The following CYP27C1 variants were observed in gnomAD, a reference collection of about 807,000 sequenced individuals.
CYP27C1 encodes cytochrome P450 family 27 subfamily C member 1.
A neutral mutation model predicts 40.6 loss-of-function variants in CYP27C1; 29 were observed. That is an observed-to-expected ratio of 0.71 (90% CI 0.53 to 0.97). The LOEUF (loss-of-function observed/expected upper bound fraction) is 0.97, where lower values mean the gene tolerates loss of function less well. Among genes scored for constraint, CYP27C1 ranks in the 50% least tolerant of loss-of-function variants. The pLI is 0.00. For synonymous variants in CYP27C1, 198 were observed against 186.8 expected (o/e 1.06, Z -0.49); for missense variants, 390 against 485.8 (o/e 0.80, Z 1.85).
chr2:127,210,335 C>A (rs1025809476), intron 1 of CYP27C1, among the ~76,000 whole-genome samples: 3 of 152,212 alleles, frequency 2.0e-5, no homozygotes, highest in African/African-American at 7.2e-5. Flanking sequence ...ACCACTGGGT[C>A]TGCCATGCAA....
chr2:127,193,704 G>T (rs1682835440), intron 7 of CYP27C1, 85 bp downstream of exon 7: 1 of 1,439,582 alleles, frequency 6.9e-7, no homozygotes, highest in Non-Finnish European at 9.8e-7. Context: ...CTCTGCTTAG[G>T]GACAAAGACT....
chr2:127,216,793 G>C (rs1573909208), intron 1 of CYP27C1, among the ~76,000 whole-genome samples: 2 of 152,204 alleles, frequency 1.3e-5, no homozygotes, highest in East Asian at 3.8e-4. Flanking sequence ...GCATGACACA[G>C]ACAGGGCTGG....
chr2:127,206,813 G>C (rs916208655), intron 1 of CYP27C1, among the ~76,000 whole-genome samples: 1 of 152,060 alleles, frequency 6.6e-6, no homozygotes, highest in African/African-American at 2.4e-5. Flanking sequence ...CTCTAAAACT[G>C]ACTCCCAGCA....
chr2:127,204,531 AAGAAAGAGAGAGAG>A (rs1481384703), intron 2 of CYP27C1, among the ~76,000 whole-genome samples: 3 of 46,206 alleles, frequency 6.5e-5, no homozygotes, highest in Admixed American at 2.5e-4. Context: ...GAAAGAAAGA[AAGAAAGAGAGAGAG>A]AGAGAGAGAG....
chr2:127,212,088 G>A (rs922107044), intron 1 of CYP27C1, among the ~76,000 whole-genome samples: 3 of 152,090 alleles, frequency 2.0e-5, no homozygotes, highest in Admixed American at 6.5e-5. Flanking sequence ...TAAATTCCTG[G>A]ACGCATACAC....
At position 127,219,243 on chromosome 2, in the gene CYP27C1, A is replaced by T. The variant is rs1683500579; in HGVS notation, c.282+746T>A. Among the ~76,000 whole-genome samples, 1 of 151,864 alleles carries T rather than the reference A, an allele frequency of 6.6e-6. No homozygotes were observed. The highest frequency in any genetic ancestry group is 1.5e-5 in the Non-Finnish European group (1 of 67,950). ...CTAGCGCTCCCCTCGGGCCGGCCCCAGGCAGCAGCCCCCCTCAGCCCCAAC... is the reference window on the plus strand; with the variant it reads ...CTAGCGCTCCCCTCGGGCCGGCCCCTGGCAGCAGCCCCCCTCAGCCCCAAC... On this transcript the variant is annotated intron_variant, in intron 1 of 8. Transcript: ENST00000664447. This position sits in a 1 kb window ranked among gnomAD's most constrained non-coding sequence, Gnocchi z 8.7.
At chr2:127,207,284 C>G (rs982208449) in intron 1 of CYP27C1, among the ~76,000 whole-genome samples, 1 of 152,140 alleles carries the variant, frequency 6.6e-6, no homozygotes, top group Non-Finnish European at 1.5e-5. Flanking sequence ...CACCTGGGTT[C>G]AAGAGTTTGA....
chr2:127,195,533 C>T lies in CYP27C1; in HGVS notation c.1048-32G>A, dbSNP rs1374868870. 1 of 1,609,884 alleles carries T rather than the reference C, an allele frequency of 6.2e-7. No individual in the cohort carries two copies. The highest frequency in any genetic ancestry group is 2.2e-5 in the East Asian group (1 of 44,810). On this transcript the variant is annotated intron_variant, in intron 5 of 8. Transcript: ENST00000664447. The surrounding 1 kb of genome is among the most constrained non-coding windows in gnomAD (Gnocchi z 6.2). ...AGAGAAAGTGGCAGACACAGGCAGG[C>T]AGTGAGTAACACCAGGGACTGAAAC...
rs1188140640 is a variant in CYP27C1, at chr2:127,185,997, A to G, written c.*1274T>C. The G allele has an allele frequency of 6.6e-6, 1 of 152,256 alleles. No individual in the cohort carries two copies. Among genetic ancestry groups the G allele is most frequent in the Admixed American group, 6.5e-5 (1 of 15,280 alleles). The allele number at this position is 152,256 out of a possible 1,614,324, so 9.4% of individuals were successfully genotyped here. On this transcript the variant is annotated 3_prime_UTR_variant, in exon 9 of 9. Transcript: ENST00000664447. The surrounding 1 kb of genome is among the most constrained non-coding windows in gnomAD (Gnocchi z 4.9). Reference sequence around the variant, plus strand: ...GGTGAGGGTTCTTGTGTGGATATTTAAAACAACACCATCAAGATAAAAATA... The same window carrying G: ...GGTGAGGGTTCTTGTGTGGATATTTGAAACAACACCATCAAGATAAAAATA...
At position 127,187,247 on chromosome 2, in the gene CYP27C1, T is replaced by A; in HGVS notation, c.*24A>T. 6.3e-7 allele frequency: 1 copy of A among 1,579,316 alleles called. No homozygotes were observed. ...TGTGTCGGCGAGCTGGTCTGCTACATCAGCCCAGGTTTAAAATCTAGGCTT... is the reference window on the plus strand; with the variant it reads ...TGTGTCGGCGAGCTGGTCTGCTACAACAGCCCAGGTTTAAAATCTAGGCTT... On this transcript the variant is annotated 3_prime_UTR_variant, in exon 9 of 9. Transcript: ENST00000664447.
chr2:127,199,413 G>C lies in CYP27C1; in HGVS notation c.1010C>G (p.Ala337Gly). ...SQALTLQEIY[A>G]NVTEMLLAGV... ...GGCCAGCAGCATCTCAGTCACGTTG[G>C]CGTAGATCTCCTGCAGCGTCAGAGC... The change falls in exon 5 of 9, where the codon GCC becomes GGC. Residue 337 changes from alanine (A) to glycine (G), a missense_variant. Transcript: ENST00000664447. 6.2e-7 allele frequency: 1 copy of C among 1,614,198 alleles called. No individual in the cohort carries two copies. The highest frequency in any genetic ancestry group is 8.5e-7 in the Non-Finnish European group (1 of 1,180,036).
Position 127,186,155 on chromosome 2 carries a change from A to G in CYP27C1, c.*1116T>C, listed in dbSNP as rs778288682. 1.8e-4 allele frequency: 27 copies of G among 152,156 alleles called. No homozygotes were observed. The highest frequency in any genetic ancestry group is 2.0e-4 in the Admixed American group (3 of 15,280). The allele number at this position is 152,156 out of a possible 1,614,324, so 9.4% of individuals were successfully genotyped here. Reference sequence around the variant, plus strand: ...TTAGGCAACAAAATTTTACGTCATCATATTTCCAGTTCTTATACGTCTGCT... The same window carrying G: ...TTAGGCAACAAAATTTTACGTCATCGTATTTCCAGTTCTTATACGTCTGCT... On this transcript the variant is annotated 3_prime_UTR_variant, in exon 9 of 9. Transcript: ENST00000664447. The surrounding 1 kb of genome is among the most constrained non-coding windows in gnomAD (Gnocchi z 4.5).
In CYP27C1 at chr2:127,201,705, C is replaced by T. The variant is rs1382013983; in HGVS notation, c.674-374G>A. 1.3e-5 allele frequency among the ~76,000 whole-genome samples: 2 copies of T among 152,204 alleles called. No individual in the cohort carries two copies. Among genetic ancestry groups the T allele is most frequent in the South Asian group, 4.1e-4 (2 of 4,828 alleles). ...CCCTGGGGAGGGGACAATCACCGAGCGTGTCACTGCTCTCCCCCAACACCC... is the reference window on the plus strand; with the variant it reads ...CCCTGGGGAGGGGACAATCACCGAGTGTGTCACTGCTCTCCCCCAACACCC... On this transcript the variant is annotated intron_variant, in intron 3 of 8. Coordinates refer to ENST00000664447, the MANE Select transcript of CYP27C1 (RefSeq NM_001367502.1). This position sits in a 1 kb window ranked among gnomAD's most constrained non-coding sequence, Gnocchi z 6.0.
chr2:127,191,819 CA>C (rs1235821050), intron 8 of CYP27C1, among the ~76,000 whole-genome samples: 5 of 152,222 alleles, frequency 3.3e-5, no homozygotes, highest in African/African-American at 7.2e-5. Context: ...CTCCCAGGGA[CA>C]GGGGCAGCGG....
At chr2:127,203,309 C>T in intron 3 of CYP27C1, 63 bp downstream of exon 3, 1 of 1,553,636 alleles carries the variant, frequency 6.4e-7, no homozygotes, top group Non-Finnish European at 8.7e-7. Context: ...TCCAAGATGA[C>T]ATCTGCAGGT....
Position 127,195,341 on chromosome 2 carries a change from G to C in CYP27C1, c.1208C>G (p.Thr403Ser). 6.2e-7 allele frequency: 1 copy of C among 1,614,086 alleles called. No individual in the cohort carries two copies. Among genetic ancestry groups the C allele is most frequent in the East Asian group, 2.2e-5 (1 of 44,882 alleles). Residue 403 changes from threonine (T) to serine (S), a missense_variant, in exon 6 of 9, where the codon ACC (threonine) becomes AGC (serine). Coordinates refer to ENST00000664447, the MANE Select transcript of CYP27C1 (RefSeq NM_001367502.1). This position sits in a 1 kb window ranked among gnomAD's most constrained non-coding sequence, Gnocchi z 6.2. ...VPLVRALLKETLRLFPVLPGN... is the reference protein window; with the variant it reads ...VPLVRALLKESLRLFPVLPGN... Reference sequence around the variant, plus strand: ...ATTCTGGCGAGCCTTTTACCTCAGGGTTTCCTTAAGGAGAGCTCTGACCAG... The same window carrying C: ...ATTCTGGCGAGCCTTTTACCTCAGGCTTTCCTTAAGGAGAGCTCTGACCAG...
chr2:127,204,485 A>AAAGAAAGGAAGG (rs1336827282), intron 2 of CYP27C1, among the ~76,000 whole-genome samples: 14 of 60,204 alleles, frequency 2.3e-4, no homozygotes, highest in Admixed American at 6.9e-4. Flanking sequence ...AGAAAGAAAG[A>AAAGAAAGGAAGG]AAGGAAGGAA....
At chr2:127,188,828 A>G (rs1003853286) in intron 8 of CYP27C1, among the ~76,000 whole-genome samples, 4 of 152,154 alleles carry the variant, frequency 2.6e-5, no homozygotes, top group African/African-American at 9.7e-5. Context: ...TAAGAGTCAG[A>G]CAGGGCACCA....
chr2:127,208,324 C>T lies in CYP27C1; in HGVS notation c.283-2234G>A, dbSNP rs1427747685. 5.9e-5 allele frequency among the ~76,000 whole-genome samples: 9 copies of T among 152,092 alleles called. No homozygotes were observed. The highest frequency in any genetic ancestry group is 2.1e-4 in the South Asian group (1 of 4,814). Reference sequence around the variant, plus strand: ...CCAGCCAAGGGAGGTGGTGAGTGAGCGGGCTACCCAGCTGGGGAAACTGTG... The same window carrying T: ...CCAGCCAAGGGAGGTGGTGAGTGAGTGGGCTACCCAGCTGGGGAAACTGTG... On this transcript the variant is annotated intron_variant, in intron 1 of 8. Coordinates refer to ENST00000664447, the MANE Select transcript of CYP27C1 (RefSeq NM_001367502.1). The surrounding 1 kb of genome is among the most constrained non-coding windows in gnomAD (Gnocchi z 5.2).
Sources: gnomAD v4.1 joint callset for allele counts (sites outside exome capture counted in the v4.1 genomes callset) on GRCh38, gnomAD v4.1.1 for gene constraint, Gnocchi (gnomAD v3.1) non-coding constraint, MANE v1.5 for transcripts, NCBI Gene and HGNC (gene_info 2026-07-23, HGNC 2026-07-21) for gene names.